The following ANKRD28 variants were observed in gnomAD, a reference collection of about 807,000 sequenced individuals.
ANKRD28 encodes the protein ankyrin repeat domain 28, also known as serine/threonine-protein phosphatase 6 regulatory ankyrin repeat subunit A.
A neutral mutation model predicts 126.5 loss-of-function variants in ANKRD28; 44 were observed. The observed-to-expected ratio is 0.35, with a 90% CI of 0.27 to 0.45. The LOEUF is 0.45. Ranked by LOEUF, ANKRD28 falls within the 20% of genes least tolerant of loss-of-function variation. The pLI is 1.00. For synonymous variants in ANKRD28, 442 were observed against 468.5 expected (o/e 0.94, Z 0.73); for missense variants, 1,110 against 1,316.6 (o/e 0.84, Z 2.43).
At chr3:15,836,908 G>A (rs1306367989) in intron 1 of ANKRD28, among the ~76,000 whole-genome samples, 3 of 151,874 alleles carry the variant, frequency 2.0e-5, no homozygotes, top group African/African-American at 7.3e-5. Context: ...ACACCATCCT[G>A]GCTAACACGG....
intron 4 of ANKRD28, among the ~76,000 whole-genome samples, chr3:15,740,806 C>T (rs2075398706): frequency 6.6e-6 from 1 of 152,086 alleles, no homozygotes; most frequent in African/African-American, 2.4e-5. Flanking sequence ...GGTAAGTGGG[C>T]ACCTAAATAA....
chr3:15,809,621 G>A (rs1319664618), intron 1 of ANKRD28, among the ~76,000 whole-genome samples: 2 of 152,158 alleles, frequency 1.3e-5, no homozygotes, highest in African/African-American at 4.8e-5. Context: ...GAATGGGGGA[G>A]GATGGGAAAC....
chr3:15,707,883 T>C (rs2071671939), intron 14 of ANKRD28, 41 bp downstream of exon 14: 14 of 1,579,344 alleles, frequency 8.9e-6, no homozygotes, highest in African/African-American at 1.3e-5. Flanking sequence ...TGCCAGTTTA[T>C]AGAAATATTG....
At chr3:15,856,621 T>C (rs1369633049) in intron 1 of ANKRD28, among the ~76,000 whole-genome samples, 2 of 152,188 alleles carry the variant, frequency 1.3e-5, no homozygotes, top group African/African-American at 2.4e-5. Flanking sequence ...ATCATTTTCA[T>C]CTACTCACAG....
In ANKRD28 at chr3:15,708,010, A is replaced by G; in HGVS notation, c.1461T>C (p.Leu487=). Reference sequence around the variant, plus strand: ...CATTCACACTTGCTCCTGATCCCACAAGAGCAAACAGGCACTGGTAATTGC... The same window carrying G: ...CATTCACACTTGCTCCTGATCCCACGAGAGCAAACAGGCACTGGTAATTGC... ...ANCNYQCLFA[L]VGSGASVNDL... is the part of the protein sequence containing the mutation. The change falls in exon 14 of 28, where the codon CTT becomes CTC. Residue 487 remains leucine, a synonymous_variant. Coordinates refer to ENST00000683139, the MANE Select transcript of ANKRD28 (RefSeq NM_001349278.2). 1 of 1,611,208 alleles carries G rather than the reference A, an allele frequency of 6.2e-7. No individual in the cohort carries two copies. The highest frequency in any genetic ancestry group is 8.5e-7 in the Non-Finnish European group (1 of 1,178,766).
Position 15,708,048 on chromosome 3 carries a change from C to T in ANKRD28, c.1423G>A (p.Ala475Thr), listed in dbSNP as rs2276752. 19 of 1,606,208 alleles carry T rather than the reference C, an allele frequency of 1.2e-5. No individual in the cohort carries two copies. In the Admixed American group the frequency reaches 1.4e-4, roughly 12 times the overall value. The change falls in exon 14 of 28, where the codon GCT (alanine) becomes ACT (threonine). Residue 475 changes from alanine to threonine, a missense_variant. Transcript: ENST00000683139. ...CACTGGTAATTGCAGTTGGCAGCAG[C>T]GTAGTGCAGTGGAGATCTTTTGGGT... ...DKFGRSPLHY[A>T]AANCNYQCLF...
intron 4 of ANKRD28, among the ~76,000 whole-genome samples, chr3:15,746,387 A>T (rs1179787368): frequency 1.3e-5 from 2 of 152,206 alleles, no homozygotes; most frequent in African/African-American, 4.8e-5. Flanking sequence ...TGTCCCTTCT[A>T]TGCTGATGTT....
exon 1 of ANKRD28, chr3:15,859,590 CCG>C: frequency 5.0e-6 from 1 of 199,498 alleles, no homozygotes; most frequent in Non-Finnish European, 9.1e-6. Flanking sequence ...CCCGCCGCCG[CCG>C]CCGCCGCCGC....
At chr3:15,777,271 C>CAAAAAAAAAAAAAA (rs148444429) in intron 2 of ANKRD28, among the ~76,000 whole-genome samples, 1 of 111,646 alleles carries the variant, frequency 9.0e-6, no homozygotes, top group Non-Finnish European at 1.9e-5. Context: ...GACTCCGTCT[C>CAAAAAAAAAAAAAA]AAAAAAAAAA....
intron 1 of ANKRD28, among the ~76,000 whole-genome samples, chr3:15,819,865 C>A (rs537870514): frequency 2.0e-5 from 3 of 152,238 alleles, no homozygotes; most frequent in East Asian, 1.9e-4. Context: ...ACAAGTGATT[C>A]TAATTCAGAG....
chr3:15,786,425 G>A (rs1047462985), intron 2 of ANKRD28, among the ~76,000 whole-genome samples: 1 of 151,858 alleles, frequency 6.6e-6, no homozygotes, highest in Non-Finnish European at 1.5e-5. Context: ...AACACTCTAG[G>A]AAAAAACAAA....
chr3:15,856,937 G>T (rs2061783623), intron 1 of ANKRD28, among the ~76,000 whole-genome samples: 1 of 152,174 alleles, frequency 6.6e-6, no homozygotes, highest in Non-Finnish European at 1.5e-5. Flanking sequence ...GTGTATATAA[G>T]GCTTTTGAGC....
intron 13 of ANKRD28, among the ~76,000 whole-genome samples, chr3:15,708,646 TTAGCTATAAAAA>T (rs1316812364): frequency 3.9e-5 from 6 of 152,120 alleles, no homozygotes; most frequent in Non-Finnish European, 8.8e-5. Context: ...TAAAAGCAAA[TTAGCTATAAAAA>T]TATTGCATTC....
chr3:15,748,030 T>C (rs970500849), intron 4 of ANKRD28, among the ~76,000 whole-genome samples: 2 of 152,212 alleles, frequency 1.3e-5, no homozygotes, highest in Admixed American at 6.5e-5. Flanking sequence ...ACATTTGGTG[T>C]CCATTTGCAT....
intron 3 of ANKRD28, among the ~76,000 whole-genome samples, chr3:15,757,702 C>T (rs1339932040): frequency 1.3e-5 from 2 of 152,150 alleles, no homozygotes; most frequent in African/African-American, 4.8e-5. Flanking sequence ...GATACCAAAT[C>T]TTCTGGCATC....
Position 15,814,385 on chromosome 3 carries a change from C to T in ANKRD28, c.28-19079G>A. ...TAAGGGCTATGTTATTTATAAATAACTAGTACCTTAACAAAACATTGAATT... is the reference window on the plus strand; with the variant it reads ...TAAGGGCTATGTTATTTATAAATAATTAGTACCTTAACAAAACATTGAATT... On this transcript the variant is annotated intron_variant, in intron 1 of 27. Transcript: ENST00000399451. This position sits in a 1 kb window ranked among gnomAD's most constrained non-coding sequence, Gnocchi z 4.7. 1 of 698,360 alleles carries T rather than the reference C, an allele frequency of 1.4e-6. No homozygotes were observed. The highest frequency in any genetic ancestry group is 8.4e-5 in the East Asian group (1 of 11,856). The allele number at this position is 698,360 out of a possible 1,614,324, so 43.3% of individuals were successfully genotyped here.
chr3:15,746,254 A>G (rs1441658555), intron 4 of ANKRD28, among the ~76,000 whole-genome samples: 3 of 152,166 alleles, frequency 2.0e-5, no homozygotes, highest in Non-Finnish European at 4.4e-5. Context: ...TTTTGAATAG[A>G]AGTGGTGAAA....
At chr3:15,753,911 C>A (rs1292582729) in intron 3 of ANKRD28, among the ~76,000 whole-genome samples, 2 of 152,122 alleles carry the variant, frequency 1.3e-5, no homozygotes, top group Middle Eastern at 6.4e-3. Flanking sequence ...ACCACACACT[C>A]CAGCCTGGGC....
At chr3:15,837,528 G>C (rs1190807184) in intron 1 of ANKRD28, among the ~76,000 whole-genome samples, 1 of 152,048 alleles carries the variant, frequency 6.6e-6, no homozygotes, top group Non-Finnish European at 1.5e-5. Context: ...AATTAAACAA[G>C]ACACCTGTAA....
Sources: allele counts gnomAD v4.1 joint callset (sites outside exome capture counted in the v4.1 genomes callset), GRCh38; gene constraint gnomAD v4.1.1; non-coding constraint Gnocchi (gnomAD v3.1); transcripts MANE v1.5; gene names NCBI Gene and HGNC (gene_info 2026-07-23, HGNC 2026-07-21).